Variants in PTPRG observed in about 807,000 individuals in gnomAD.
The protein encoded by PTPRG is receptor-type tyrosine-protein phosphatase gamma.
PTPRG carries 102 observed loss-of-function variants against 165.3 expected under a neutral mutation model. The observed-to-expected ratio is 0.62, with a 90% confidence interval of 0.53 to 0.73. PTPRG has a LOEUF of 0.73. Among genes scored for constraint, PTPRG ranks in the 30% least tolerant of loss-of-function variants. PTPRG has a pLI of 0.00. For missense variants in PTPRG, 1,866 were observed against 1,861.4 expected, an observed-to-expected ratio of 1.00 and a Z score of -0.05; for synonymous variants, 675 against 669.5, an observed-to-expected ratio of 1.01 and a Z score of -0.13.
chr3:62,113,410 A>T (rs1702739604), intron 5 of PTPRG, among the ~76,000 whole-genome samples: 1 of 152,204 alleles, frequency 6.6e-6, no homozygotes, highest in African/African-American at 2.4e-5. Context: ...TGATATATTT[A>T]AATACTTATT....
intron 2 of PTPRG, among the ~76,000 whole-genome samples, chr3:61,818,506 A>G (rs1271977261): frequency 1.3e-5 from 2 of 152,118 alleles, no homozygotes; most frequent in Admixed American, 6.5e-5. Context: ...TGTATAATGA[A>G]AAAGTTGTTT....
intron 2 of PTPRG, among the ~76,000 whole-genome samples, chr3:61,823,589 G>C (rs2036018707): frequency 6.6e-6 from 1 of 152,156 alleles, no homozygotes; most frequent in Non-Finnish European, 1.5e-5. Context: ...TATGCATTTA[G>C]AATAGATGTT....
At chr3:62,264,738 T>C (rs1332454879) in intron 17 of PTPRG, among the ~76,000 whole-genome samples, 2 of 152,232 alleles carry the variant, frequency 1.3e-5, no homozygotes, top group African/African-American at 4.8e-5. Flanking sequence ...CTAGTATGAA[T>C]ACCGCTATGA....
chr3:61,980,441 A>G (rs1377332471), intron 2 of PTPRG, among the ~76,000 whole-genome samples: 1 of 152,138 alleles, frequency 6.6e-6, no homozygotes, highest in East Asian at 1.9e-4. Flanking sequence ...GATCTTTAAA[A>G]CCTTAGCCAA....
At chr3:62,125,896 C>A (rs1703272799) in intron 5 of PTPRG, among the ~76,000 whole-genome samples, 1 of 152,058 alleles carries the variant, frequency 6.6e-6, no homozygotes. Flanking sequence ...TTTCCCAAAA[C>A]CTTCTTGTCT....
intron 4 of PTPRG, among the ~76,000 whole-genome samples, chr3:62,026,941 T>A (rs9811199): frequency 0.56 from 82,674 of 148,252 alleles, 24,151 homozygotes; most frequent in African/African-American, 0.72. Context: ...CAAAACAAAT[T>A]GTGTATTGAT....
chr3:61,583,883 G>A (rs13323186), intron 1 of PTPRG, among the ~76,000 whole-genome samples: 3,514 of 152,162 alleles, frequency 0.023, 132 homozygotes, highest in African/African-American at 0.08. Context: ...TAATGCCTAC[G>A]TTAACCAAGG....
intron 2 of PTPRG, among the ~76,000 whole-genome samples, chr3:61,815,296 G>C (rs1009883043): frequency 1.3e-5 from 2 of 151,350 alleles, no homozygotes; most frequent in African/African-American, 2.4e-5. Flanking sequence ...TGTAATCCCA[G>C]CTACGTGGGA....
At position 61,775,396 on chromosome 3, in the gene PTPRG, T is replaced by G. The variant is rs890600936; in HGVS notation, c.190+26414T>G. Among the ~76,000 whole-genome samples the G allele has an allele frequency of 6.6e-5, 10 of 152,106 alleles. 1 individual carries two copies. The highest frequency in any genetic ancestry group is 1.2e-4 in the Non-Finnish European group (8 of 68,018). ...CCTTAAATAAAATCCTTTCAGTAAT[T>G]TTAAGCTTGCAAGACTGTATGTAGC... On this transcript the variant is annotated intron_variant, in intron 2 of 29. Transcript: ENST00000474889.
intron 28 of PTPRG, among the ~76,000 whole-genome samples, chr3:62,289,414 A>G (rs1375423059): frequency 6.6e-6 from 1 of 152,216 alleles, no homozygotes; most frequent in Non-Finnish European, 1.5e-5. Context: ...ATTTAATGCA[A>G]TGTTGATTTA....
At chr3:62,275,578 C>T (rs1702203727) in intron 23 of PTPRG, among the ~76,000 whole-genome samples, 1 of 152,160 alleles carries the variant, frequency 6.6e-6, no homozygotes, top group African/African-American at 2.4e-5. Context: ...GCCTGGGAAA[C>T]ACAGGAAGAC....
chr3:61,751,372 C>T (rs2106924800), intron 2 of PTPRG, among the ~76,000 whole-genome samples: 1 of 152,224 alleles, frequency 6.6e-6, no homozygotes, highest in Non-Finnish European at 1.5e-5. Context: ...CAAAAAAAGG[C>T]TCATTTTTTA....
At chr3:61,636,096 C>G (rs1477508774) in intron 1 of PTPRG, among the ~76,000 whole-genome samples, 1 of 152,150 alleles carries the variant, frequency 6.6e-6, no homozygotes, top group Non-Finnish European at 1.5e-5. Flanking sequence ...GTCAGTTTAG[C>G]TTTCCTATCG....
rs12488881 is a variant in PTPRG, at chr3:61,896,654, A to G, written c.191-92971A>G. On this transcript the variant is annotated intron_variant, in intron 2 of 29. Transcript: ENST00000474889. ...AATGGTTTTCCAGAGTGGCTGTACC[A>G]TTTTGCATTCCTGTAGCAACATATC... Among the ~76,000 whole-genome samples, 590 of 152,312 alleles carry G rather than the reference A, an allele frequency of 3.9e-3. 10 individuals carry two copies. The highest frequency in any genetic ancestry group is 0.031 in the Admixed American group (470 of 15,298).
At chr3:61,880,586 T>C (rs1022809292) in intron 2 of PTPRG, among the ~76,000 whole-genome samples, 1 of 136,398 alleles carries the variant, frequency 7.3e-6, no homozygotes, top group Non-Finnish European at 1.5e-5. Context: ...TTTGCGCCAC[T>C]GCACCTCAGC....
intron 5 of PTPRG, among the ~76,000 whole-genome samples, chr3:62,101,947 C>T (rs1014700665): frequency 2.0e-5 from 3 of 152,132 alleles, no homozygotes; most frequent in Non-Finnish European, 4.4e-5. Context: ...TGATGTAAGC[C>T]AAAGAAAAAG....
At chr3:61,996,559 G>A (rs1000004826) in intron 3 of PTPRG, among the ~76,000 whole-genome samples, 3 of 152,144 alleles carry the variant, frequency 2.0e-5, no homozygotes, top group African/African-American at 7.2e-5. Flanking sequence ...CTGGGCCCTT[G>A]GCATTGTTTA....
intron 2 of PTPRG, among the ~76,000 whole-genome samples, chr3:61,926,476 CAAGTAGGTTGCAAT>C (rs1316542721): frequency 2.0e-5 from 3 of 151,992 alleles, no homozygotes; most frequent in African/African-American, 7.2e-5. Context: ...TCCCAGAAGC[CAAGTAGGTTGCAAT>C]ACCATGCATC....
chr3:61,755,383 C>T (rs1474043369), intron 2 of PTPRG, among the ~76,000 whole-genome samples: 1 of 152,208 alleles, frequency 6.6e-6, no homozygotes. Context: ...CTCCATGTCT[C>T]AGCTCAAAGG....
Sources: allele counts gnomAD v4.1 joint callset (sites outside exome capture counted in the v4.1 genomes callset), GRCh38; gene constraint gnomAD v4.1.1; transcripts MANE v1.5; gene names NCBI Gene and HGNC (gene_info 2026-07-23, HGNC 2026-07-21).